Variants in TRAPPC9 observed in about 807,000 individuals in gnomAD.
TRAPPC9 encodes the protein trafficking protein particle complex subunit 9.
In TRAPPC9, 83 loss-of-function variants were observed where a neutral mutation model predicts 124.0. That is an observed-to-expected ratio of 0.67 (90% CI 0.56 to 0.80). TRAPPC9 has a LOEUF of 0.80. Ranked by LOEUF, TRAPPC9 falls within the 30% of genes least tolerant of loss-of-function variation. The probability of loss-of-function intolerance (pLI) is 0.00; values close to 1 mark genes in which losing one functional copy is unlikely to be tolerated. For missense variants in TRAPPC9, 1,302 were observed against 1,508.3 expected, an observed-to-expected ratio of 0.86 and a Z score of 2.27; for synonymous variants, 638 against 617.5, an observed-to-expected ratio of 1.03 and a Z score of -0.49.
intron 17 of TRAPPC9, among the ~76,000 whole-genome samples, chr8:140,111,804 T>C (rs561370519): frequency 1.3e-5 from 2 of 152,360 alleles, no homozygotes; most frequent in East Asian, 3.9e-4. Context: ...ATCGGTGTGA[T>C]AGATTAACAT....
chr8:140,272,848 C>T (rs1161388537), intron 15 of TRAPPC9, among the ~76,000 whole-genome samples: 2 of 151,790 alleles, frequency 1.3e-5, no homozygotes, highest in South Asian at 2.1e-4. Flanking sequence ...GGGATCCACC[C>T]CCATGACCCA....
At position 139,947,924 on chromosome 8, in the gene TRAPPC9, C is replaced by CGAGAGCGAGA. The variant is rs1554419368; in HGVS notation, c.2811-37625_2811-37624insTCTCGCTCTC. 2.6e-3 allele frequency among the ~76,000 whole-genome samples: 219 copies of CGAGAGCGAGA among 83,440 alleles called. 3 individuals are homozygous for CGAGAGCGAGA. Among genetic ancestry groups the CGAGAGCGAGA allele is most frequent in the Admixed American group, 5.3e-3 (37 of 7,024 alleles). The allele number at this position is 83,440 out of a possible 152,430, so 54.7% of individuals were successfully genotyped here. ...TATATATATAGAGAGAGAGAGAGAG[C>CGAGAGCGAGA]GAGAGAGAGAGAGAGAGAGAGTATA... On this transcript the variant is annotated intron_variant, in intron 19 of 22. Coordinates refer to ENST00000438773, the MANE Select transcript of TRAPPC9 (RefSeq NM_001160372.4).
At chr8:140,287,461 T>C in intron 13 of TRAPPC9, 147 bp downstream of exon 13, 1 of 1,175,192 alleles carries the variant, frequency 8.5e-7, no homozygotes, top group Non-Finnish European at 1.2e-6. Context: ...AACAGGTTTT[T>C]TTCATGCTTC....
At chr8:140,309,389 G>A (rs944512208) in intron 10 of TRAPPC9, among the ~76,000 whole-genome samples, 2 of 152,246 alleles carry the variant, frequency 1.3e-5, no homozygotes, top group African/African-American at 4.8e-5. Flanking sequence ...ACACAAGTGA[G>A]AGTGAACCCA....
At chr8:140,191,058 G>A (rs2062480140) in intron 17 of TRAPPC9, among the ~76,000 whole-genome samples, 1 of 152,086 alleles carries the variant, frequency 6.6e-6, no homozygotes, top group Non-Finnish European at 1.5e-5. Flanking sequence ...GAGGGTGGGG[G>A]TTACAATAGC....
chr8:139,886,683 T>C (rs979426353), intron 20 of TRAPPC9, among the ~76,000 whole-genome samples: 2 of 152,172 alleles, frequency 1.3e-5, no homozygotes, highest in African/African-American at 4.8e-5. Context: ...GTGGAGAAAA[T>C]ACCCCACCTT....
intron 10 of TRAPPC9, among the ~76,000 whole-genome samples, chr8:140,303,062 C>A (rs1281435134): frequency 6.6e-6 from 1 of 152,154 alleles, no homozygotes; most frequent in African/African-American, 2.4e-5. Context: ...CGAAGCACGA[C>A]CCTGAATTTG....
At position 140,120,823 on chromosome 8, in the gene TRAPPC9, C is replaced by CCATCCATCCATCCAT. The variant is rs1362636929; in HGVS notation, c.2557-96759_2557-96745dup. Among the ~76,000 whole-genome samples, 26 of 145,950 alleles carry CCATCCATCCATCCAT rather than the reference C, an allele frequency of 1.8e-4. No individual in the cohort carries two copies. In the South Asian group the frequency reaches 1.9e-3, roughly 11 times the overall value. Reference sequence around the variant, plus strand: ...ATCCATCCATTCATCCATCTAACATCCATCCATCCATCCATCATCCATCCA... The same window carrying CCATCCATCCATCCAT: ...ATCCATCCATTCATCCATCTAACATCCATCCATCCATCCATCATCCATCCATCCATCATCCATCCA... On this transcript the variant is annotated intron_variant, in intron 17 of 22. Transcript: ENST00000438773.
chr8:139,882,783 A>T (rs1382829589), intron 21 of TRAPPC9, among the ~76,000 whole-genome samples: 1 of 152,234 alleles, frequency 6.6e-6, no homozygotes, highest in Non-Finnish European at 1.5e-5. Context: ...TCCAGCAGGC[A>T]TCATCCCATT....
chr8:140,142,486 C>T (rs2061397675), intron 17 of TRAPPC9, among the ~76,000 whole-genome samples: 2 of 152,244 alleles, frequency 1.3e-5, no homozygotes, highest in Admixed American at 1.3e-4. Flanking sequence ...ATGTGCCCTG[C>T]TCACTGGGAA....
chr8:140,303,036 T>C (rs1008699869), intron 10 of TRAPPC9, among the ~76,000 whole-genome samples: 5 of 152,314 alleles, frequency 3.3e-5, no homozygotes, highest in African/African-American at 7.2e-5. Context: ...TGCATCCTGA[T>C]TGGTGTCTGG....
chr8:140,131,979 C>T (rs1051511926), intron 17 of TRAPPC9, among the ~76,000 whole-genome samples: 1 of 152,294 alleles, frequency 6.6e-6, no homozygotes, highest in South Asian at 2.1e-4. Context: ...TCACAGTCGG[C>T]CCCCCAATGA....
chr8:140,104,693 G>A lies in TRAPPC9; in HGVS notation c.2557-80614C>T, dbSNP rs1300871993. Among the ~76,000 whole-genome samples, 1 of 152,114 alleles carries A rather than the reference G, an allele frequency of 6.6e-6. No homozygotes were observed. Among genetic ancestry groups the A allele is most frequent in the Non-Finnish European group, 1.5e-5 (1 of 67,994 alleles). On this transcript the variant is annotated intron_variant, in intron 17 of 22. Transcript: ENST00000438773. This position sits in a 1 kb window ranked among gnomAD's most constrained non-coding sequence, Gnocchi z 4.0. ...AGCTACGACACACACCCTCCTGGGG[G>A]TGCCATTCCCCCAGCCCAGGCACCA...
At chr8:140,286,068 G>C (rs1031119557) in intron 13 of TRAPPC9, among the ~76,000 whole-genome samples, 2 of 152,232 alleles carry the variant, frequency 1.3e-5, no homozygotes, top group African/African-American at 4.8e-5. Context: ...CCGCACAGGG[G>C]CCTAGGCCAG....
At chr8:140,275,602 T>C in intron 15 of TRAPPC9, 56 bp downstream of exon 15, 2 of 1,560,336 alleles carry the variant, frequency 1.3e-6, no homozygotes, top group East Asian at 2.2e-5. Flanking sequence ...AAAGTATCTC[T>C]TCTACAAGTA....
At chr8:140,235,801 A>G (rs2063716188) in intron 16 of TRAPPC9, among the ~76,000 whole-genome samples, 1 of 152,246 alleles carries the variant, frequency 6.6e-6, no homozygotes, top group African/African-American at 2.4e-5. Context: ...GAATGTCTAT[A>G]GCAGCATCAT....
At chr8:140,158,625 G>T (rs1313995401) in intron 17 of TRAPPC9, among the ~76,000 whole-genome samples, 2 of 152,210 alleles carry the variant, frequency 1.3e-5, no homozygotes, top group African/African-American at 4.8e-5. Flanking sequence ...AAATTTAAAT[G>T]TTTATTTTAA....
intron 2 of TRAPPC9, among the ~76,000 whole-genome samples, chr8:140,443,442 A>C (rs555533921): frequency 6.6e-6 from 1 of 152,150 alleles, no homozygotes; most frequent in Admixed American, 6.6e-5. Context: ...TCTCAAAAAA[A>C]AAAAAAGAAG....
chr8:140,109,925 T>C (rs2060732949), intron 17 of TRAPPC9, among the ~76,000 whole-genome samples: 1 of 152,254 alleles, frequency 6.6e-6, no homozygotes, highest in East Asian at 1.9e-4. Flanking sequence ...AAAAATTAAT[T>C]ACACTTAAAT....
Sources: gnomAD v4.1 joint callset for allele counts (sites outside exome capture counted in the v4.1 genomes callset) on GRCh38, gnomAD v4.1.1 for gene constraint, Gnocchi (gnomAD v3.1) non-coding constraint, MANE v1.5 for transcripts, NCBI Gene and HGNC (gene_info 2026-07-23, HGNC 2026-07-21) for gene names.